The following CSMD1 variants were observed in gnomAD, a reference collection of about 807,000 sequenced individuals.
CSMD1 encodes the protein CUB and sushi domain-containing protein 1.
In CSMD1, 213 loss-of-function variants were observed where a neutral mutation model predicts 417.5. That is an observed-to-expected ratio of 0.51 (90% CI 0.46 to 0.57). The LOEUF is 0.57. CSMD1 is among the 20% of genes least tolerant of loss of function. The probability of loss-of-function intolerance (pLI) is 0.00; values close to 1 mark genes in which losing one functional copy is unlikely to be tolerated. For synonymous variants in CSMD1, 2,862 were observed against 1,736.8 expected (o/e 1.65, Z -16.11); for missense variants, 6,923 against 4,529.7 (o/e 1.53, Z -15.17).
At chr8:3,592,824 C>G (rs999548169) in intron 8 of CSMD1, among the ~76,000 whole-genome samples, 2 of 152,214 alleles carry the variant, frequency 1.3e-5, no homozygotes, top group African/African-American at 4.8e-5. Context: ...CAGTGGGATC[C>G]AGGTGTACAT....
At chr8:4,032,456 C>G (rs1326475987) in intron 3 of CSMD1, among the ~76,000 whole-genome samples, 3 of 152,168 alleles carry the variant, frequency 2.0e-5, no homozygotes, top group African/African-American at 7.2e-5. Flanking sequence ...AGCAACCAGA[C>G]ACAGTAGACT....
chr8:4,297,927 G>C (rs763254501), intron 3 of CSMD1, among the ~76,000 whole-genome samples: 8 of 152,144 alleles, frequency 5.3e-5, no homozygotes, highest in African/African-American at 1.9e-4. Context: ...GTTTTTATTA[G>C]CAAAGGAAAA....
intron 2 of CSMD1, among the ~76,000 whole-genome samples, chr8:4,579,482 C>A (rs1179351327): frequency 1.3e-5 from 2 of 151,942 alleles, no homozygotes; most frequent in African/African-American, 2.4e-5. Context: ...CCTCCCTTAG[C>A]CTCTTAAGTA....
chr8:4,297,442 A>G (rs1237046748), intron 3 of CSMD1, among the ~76,000 whole-genome samples: 1 of 152,228 alleles, frequency 6.6e-6, no homozygotes, highest in Non-Finnish European at 1.5e-5. Flanking sequence ...GGAAAAACAG[A>G]CATCAGTTGC....
intron 5 of CSMD1, among the ~76,000 whole-genome samples, chr8:3,858,919 G>A (rs1392161850): frequency 6.6e-6 from 1 of 152,130 alleles, no homozygotes; most frequent in Non-Finnish European, 1.5e-5. Context: ...AATGGATTTG[G>A]CGAGTTGGTT....
chr8:2,966,594 T>A lies in CSMD1; in HGVS notation c.9076A>T (p.Thr3026Ser). The A allele has an allele frequency of 6.2e-7, 1 of 1,613,760 alleles. No homozygotes were observed. The highest frequency in any genetic ancestry group is 8.5e-7 in the Non-Finnish European group (1 of 1,179,766). Residue 3026 changes from threonine (T) to serine (S), a missense_variant, in exon 58 of 70, where the codon ACA becomes TCA. Thr to Ser is a moderately conservative substitution (Grantham distance 58). Coordinates refer to ENST00000635120, the MANE Select transcript of CSMD1 (RefSeq NM_033225.6). The part of the protein sequence containing the change: ...TRHCTANGTW[T>S]GTAPDCTIIS... The stretch of plus-strand genomic sequence containing the variant: ...CTTGTGCAGTCGGGAGCAGTGCCTG[T>A]CCAGGTCCCATTGGCTGTGCAATGC...
At chr8:4,003,762 G>C (rs17063183) in intron 4 of CSMD1, among the ~76,000 whole-genome samples, 23,161 of 152,016 alleles carry the variant, frequency 0.15, 1,838 homozygotes, top group East Asian at 0.2. Context: ...GCTCATATAC[G>C]CCGGCAAATT....
chr8:3,592,163 G>C (rs1800878284), intron 8 of CSMD1, among the ~76,000 whole-genome samples: 1 of 152,104 alleles, frequency 6.6e-6, no homozygotes, highest in Admixed American at 6.5e-5. Flanking sequence ...TATCCATCTG[G>C]TTAGGTAGAT....
At position 3,892,645 on chromosome 8, in the gene CSMD1, C is replaced by G. The variant is rs937790990; in HGVS notation, c.818+105258G>C. On this transcript the variant is annotated intron_variant, in intron 5 of 69. Transcript: ENST00000635120. ...TGCACGTCAGTACTGTTGCTTGGCA[C>G]GTCGTGGGATTTTTGGAGACTGGGT... Among the ~76,000 whole-genome samples the G allele has an allele frequency of 2.6e-5, 4 of 151,378 alleles. No homozygotes were observed. The East Asian group carries it at 5.8e-4, about 22-fold the overall frequency.
intron 2 of CSMD1, among the ~76,000 whole-genome samples, chr8:4,481,825 C>A (rs893698919): frequency 1.3e-5 from 2 of 151,930 alleles, no homozygotes; most frequent in African/African-American, 4.8e-5. Context: ...TTTAATAATC[C>A]CAGGAGGTAG....
At chr8:4,811,848 C>A (rs1479496330) in intron 1 of CSMD1, among the ~76,000 whole-genome samples, 1 of 151,892 alleles carries the variant, frequency 6.6e-6, no homozygotes, top group Non-Finnish European at 1.5e-5. Flanking sequence ...TTCTATGAGA[C>A]AGTGAAATCA....
At chr8:3,152,329 T>A (rs549348157) in intron 39 of CSMD1, among the ~76,000 whole-genome samples, 1 of 152,368 alleles carries the variant, frequency 6.6e-6, no homozygotes, top group South Asian at 2.1e-4. Context: ...TCTTTGATCA[T>A]TTGTAGCCTA....
At chr8:3,235,924 T>TTG (rs1308331871) in intron 26 of CSMD1, among the ~76,000 whole-genome samples, 2 of 145,978 alleles carry the variant, frequency 1.4e-5, no homozygotes, top group Middle Eastern at 3.4e-3. Flanking sequence ...AAGTTTTTTT[T>TTG]TTTTTTTTTT....
At chr8:4,269,277 G>T (rs1373818639) in intron 3 of CSMD1, among the ~76,000 whole-genome samples, 1 of 152,058 alleles carries the variant, frequency 6.6e-6, no homozygotes, top group Non-Finnish European at 1.5e-5. Flanking sequence ...GGCTGGTCTT[G>T]AACCTCCAAC....
intron 20 of CSMD1, among the ~76,000 whole-genome samples, chr8:3,360,556 T>C (rs1269875814): frequency 6.6e-6 from 1 of 152,184 alleles, no homozygotes; most frequent in East Asian, 1.9e-4. Context: ...GCCAGCCAAC[T>C]AGGAAAATAT....
chr8:3,254,185 G>T (rs1800475075), intron 26 of CSMD1, among the ~76,000 whole-genome samples: 2 of 152,182 alleles, frequency 1.3e-5, no homozygotes, highest in South Asian at 4.1e-4. Context: ...TTTTCTTTAA[G>T]AATGTGGAAT....
chr8:3,506,201 G>A (rs574927570), intron 10 of CSMD1, among the ~76,000 whole-genome samples: 1 of 152,110 alleles, frequency 6.6e-6, no homozygotes, highest in Non-Finnish European at 1.5e-5. Flanking sequence ...GCCCCAGGAC[G>A]AGCTGTCAGG....
At position 4,303,420 on chromosome 8, in the gene CSMD1, C is replaced by CTTTTTTTTTTTTTTTTTTTTTTTTTT. The variant is rs1563419612; in HGVS notation, c.415+116532_415+116533insAAAAAAAAAAAAAAAAAAAAAAAAAA. On this transcript the variant is annotated intron_variant, in intron 3 of 69. Transcript: ENST00000635120. Reference sequence around the variant, plus strand: ...TCTCATTTATATATTGGGCAGGAAGCTGTTTTTTTTTTTTTTTTTTTTTTT... The same window carrying CTTTTTTTTTTTTTTTTTTTTTTTTTT: ...TCTCATTTATATATTGGGCAGGAAGCTTTTTTTTTTTTTTTTTTTTTTTTTTTGTTTTTTTTTTTTTTTTTTTTTTT... Among the ~76,000 whole-genome samples, 3 of 92,318 alleles carry CTTTTTTTTTTTTTTTTTTTTTTTTTT rather than the reference C, an allele frequency of 3.2e-5. 1 individual carries two copies. Among genetic ancestry groups the CTTTTTTTTTTTTTTTTTTTTTTTTTT allele is most frequent in the Non-Finnish European group, 2.1e-5 (1 of 48,478 alleles). 60.6% of individuals were successfully genotyped at this position (92,318 alleles called of 152,430 possible). A position where few individuals can be genotyped will look rare whatever the true frequency, so the allele number is the denominator to read the frequency against.
intron 5 of CSMD1, among the ~76,000 whole-genome samples, chr8:3,968,491 G>A (rs992214628): frequency 1.3e-5 from 2 of 152,056 alleles, no homozygotes; most frequent in African/African-American, 2.4e-5. Context: ...TACATCTTCC[G>A]GATTCAAAAT....
Sources: allele counts gnomAD v4.1 joint callset (sites outside exome capture counted in the v4.1 genomes callset), GRCh38; gene constraint gnomAD v4.1.1; transcripts MANE v1.5; gene names NCBI Gene and HGNC (gene_info 2026-07-23, HGNC 2026-07-21).